PXK: variants seen among roughly 807,000 people sequenced by gnomAD.
PXK encodes the protein PX domain containing serine/threonine kinase like.
Under a neutral mutation model 84.7 loss-of-function variants are expected in PXK, and 35 were observed. The observed-to-expected ratio is 0.41, with a 90% confidence interval of 0.32 to 0.55. The LOEUF (loss-of-function observed/expected upper bound fraction) is 0.55, where lower values mean the gene tolerates loss of function less well. PXK is among the 20% of genes least tolerant of loss of function. The pLI, the probability that PXK is intolerant of heterozygous loss-of-function variation, is 0.21. For missense variants in PXK, 634 were observed against 699.7 expected (o/e 0.91, Z 1.06); for synonymous variants, 253 against 260.8 (o/e 0.97, Z 0.29).
At chr3:58,350,132 C>A (rs1253369615) in intron 1 of PXK, among the ~76,000 whole-genome samples, 1 of 152,186 alleles carries the variant, frequency 6.6e-6, no homozygotes, top group Non-Finnish European at 1.5e-5. Flanking sequence ...ATCACATAAA[C>A]CTGATGTCCA....
rs2061784348 is a variant in PXK, at chr3:58,421,201, CCCTT to C, written c.1529-3547_1529-3544del. On this transcript the variant is annotated intron_variant, in intron 17 of 17. Transcript: ENST00000356151. The surrounding 1 kb of genome is among the most constrained non-coding windows in gnomAD (Gnocchi z 5.5). The stretch of plus-strand genomic sequence containing the variant: ...GTGTGGTCTCATGGCCACTTGGCCT[CCCTT>C]CCTGTATGTGACCACAAAGGAGCTC... 1.0e-6 allele frequency: 1 copy of C among 985,202 alleles called. No homozygotes were observed. Among genetic ancestry groups the C allele is most frequent in the African/African-American group, 1.7e-5 (1 of 57,176 alleles). The allele number at this position is 985,202 out of a possible 1,614,324, so 61.0% of individuals were successfully genotyped here.
rs865908521 is a variant in PXK at position 58,370,231 on chromosome 3, T to G, written c.201+753T>G. Among the ~76,000 whole-genome samples, 10 of 152,342 alleles carry G rather than the reference T, an allele frequency of 6.6e-5. No individual in the cohort carries two copies. The Middle Eastern group carries it at 0.014, about 207-fold the overall frequency. ...CTGTTTAACTTTTTTATCCTAAATA[T>G]GTAGTTAGAAATCCCTTTGTTTTAA... On this transcript the variant is annotated intron_variant, in intron 3 of 17. Coordinates refer to ENST00000356151, the MANE Select transcript of PXK (RefSeq NM_017771.5). The surrounding 1 kb of genome is among the most constrained non-coding windows in gnomAD (Gnocchi z 4.2).
At chr3:58,384,196 G>A (rs1262954106) in intron 4 of PXK, among the ~76,000 whole-genome samples, 1 of 152,172 alleles carries the variant, frequency 6.6e-6, no homozygotes, top group Admixed American at 6.5e-5. Flanking sequence ...AGCAGCATTG[G>A]CATCACTGGG....
intron 1 of PXK, among the ~76,000 whole-genome samples, chr3:58,355,371 G>A (rs1390332272): frequency 6.6e-6 from 1 of 152,160 alleles, no homozygotes; most frequent in East Asian, 1.9e-4. Context: ...AAGTTTCACG[G>A]CACATCTGAT....
Position 58,385,995 on chromosome 3 carries a change from T to G in PXK, c.388+3295T>G, listed in dbSNP as rs1236290538. Among the ~76,000 whole-genome samples, 1 of 152,106 alleles carries G rather than the reference T, an allele frequency of 6.6e-6. No homozygotes were observed. Among genetic ancestry groups the G allele is most frequent in the African/African-American group, 2.4e-5 (1 of 41,414 alleles). On this transcript the variant is annotated intron_variant, in intron 4 of 17. Transcript: ENST00000356151. This position sits in a 1 kb window ranked among gnomAD's most constrained non-coding sequence, Gnocchi z 5.1. ...TGTTGGAGGGGGACTGTGATGGCATTCTGCTCCCAGGGGATGGCTAACTGG... is the reference window on the plus strand; with the variant it reads ...TGTTGGAGGGGGACTGTGATGGCATGCTGCTCCCAGGGGATGGCTAACTGG...
intron 17 of PXK, among the ~76,000 whole-genome samples, chr3:58,417,025 C>T (rs1004502783): frequency 6.6e-6 from 1 of 152,196 alleles, no homozygotes; most frequent in Non-Finnish European, 1.5e-5. Context: ...CTGCCTCAGC[C>T]TTCTGAGAGG....
Position 58,385,398 on chromosome 3 carries a change from C to G in PXK, c.388+2698C>G, listed in dbSNP as rs112196516. On this transcript the variant is annotated intron_variant, in intron 4 of 17. Transcript: ENST00000356151. This position sits in a 1 kb window ranked among gnomAD's most constrained non-coding sequence, Gnocchi z 5.1. ...GAAAAGGAAGCATAGGCTGCCACCTCCATGCCAGCTTGACAGGACCATTCC... is the reference window on the plus strand; with the variant it reads ...GAAAAGGAAGCATAGGCTGCCACCTGCATGCCAGCTTGACAGGACCATTCC... Among the ~76,000 whole-genome samples, 2,778 of 152,328 alleles carry G rather than the reference C, an allele frequency of 0.018. 84 individuals are homozygous for G. Among genetic ancestry groups the G allele is most frequent in the African/African-American group, 0.063 (2,631 of 41,560 alleles).
chr3:58,412,977 TA>T lies in PXK; in HGVS notation c.1528+17del. On this transcript the variant is annotated intron_variant, in intron 17 of 17. Transcript: ENST00000356151. The surrounding 1 kb of genome is among the most constrained non-coding windows in gnomAD (Gnocchi z 6.2). ...CCTCTACATCAGGTTAGTGATGGAG[TA>T]AAGTGACATGCCACCTTCCTGTCCG... The T allele has an allele frequency of 1.2e-6, 2 of 1,613,170 alleles. No individual in the cohort carries two copies. The highest frequency in any genetic ancestry group is 2.2e-5 in the South Asian group (2 of 91,042).
intron 13 of PXK, among the ~76,000 whole-genome samples, chr3:58,404,513 TG>T (rs1182799078): frequency 5.9e-5 from 9 of 152,136 alleles, no homozygotes; most frequent in Non-Finnish European, 1.2e-4. Context: ...AAATGTCTCC[TG>T]GGGGGTAGTG....
chr3:58,409,488 G>T lies in PXK; in HGVS notation c.1309-44G>T. On this transcript the variant is annotated intron_variant, in intron 14 of 17. Coordinates refer to ENST00000356151, the MANE Select transcript of PXK (RefSeq NM_017771.5). The surrounding 1 kb of genome is among the most constrained non-coding windows in gnomAD (Gnocchi z 4.2). ...TGTTGGAGAAGATTTTCATTAGGAA[G>T]CTGCCTTATGTGGGATATGCTTACA... The T allele has an allele frequency of 6.6e-7, 1 of 1,525,840 alleles. No individual in the cohort carries two copies. The allele number at this position is 1,525,840 out of a possible 1,614,324, so 94.5% of individuals were successfully genotyped here.
chr3:58,387,881 G>T (rs1056665002), intron 4 of PXK, among the ~76,000 whole-genome samples: 1 of 152,040 alleles, frequency 6.6e-6, no homozygotes, highest in African/African-American at 2.4e-5. Context: ...AATGCTGAGG[G>T]AGTGGGGGCA....
chr3:58,391,637 T>G, intron 6 of PXK, 136 bp from the exon 7 acceptor site: 1 of 779,832 alleles, frequency 1.3e-6, no homozygotes. Flanking sequence ...AGAAAGGTCT[T>G]GAGGCAGCCA....
intron 3 of PXK, among the ~76,000 whole-genome samples, chr3:58,376,671 A>G (rs971691412): frequency 6.6e-6 from 1 of 151,922 alleles, no homozygotes; most frequent in African/African-American, 2.4e-5. Flanking sequence ...ACAGAGTCTC[A>G]CTCCATTACC....
chr3:58,424,343 G>A (rs1203772686), intron 17 of PXK, among the ~76,000 whole-genome samples: 2 of 152,172 alleles, frequency 1.3e-5, no homozygotes, highest in African/African-American at 4.8e-5. Flanking sequence ...ACTCCATCAT[G>A]CAGATGTCTA....
chr3:58,359,245 C>G (rs2098139156), intron 1 of PXK, among the ~76,000 whole-genome samples: 1 of 152,112 alleles, frequency 6.6e-6, no homozygotes. Flanking sequence ...AATTATTCCT[C>G]TGATGGCCAG....
chr3:58,388,366 G>A (rs1428396112), intron 4 of PXK, among the ~76,000 whole-genome samples: 2 of 152,294 alleles, frequency 1.3e-5, no homozygotes, highest in African/African-American at 2.4e-5. Flanking sequence ...AGGGAATTCC[G>A]TGTCACTGTC....
chr3:58,352,043 A>C (rs2097938183), intron 1 of PXK, among the ~76,000 whole-genome samples: 1 of 152,216 alleles, frequency 6.6e-6, no homozygotes, highest in Non-Finnish European at 1.5e-5. Flanking sequence ...AAGCACAGAG[A>C]AGTTAGGCTG....
chr3:58,394,951 C>T (rs375000706), intron 7 of PXK, 47 bp from the exon 8 acceptor site: 1 of 1,445,706 alleles, frequency 6.9e-7, no homozygotes, highest in South Asian at 1.2e-5. Flanking sequence ...TTAAAAGGAC[C>T]TAGATCCTGA....
At chr3:58,357,278 C>CAA (rs1290785479) in intron 1 of PXK, among the ~76,000 whole-genome samples, 5 of 131,826 alleles carry the variant, frequency 3.8e-5, no homozygotes, top group Non-Finnish European at 6.6e-5. Flanking sequence ...GACTCTGTCT[C>CAA]AAAAAAAAAA....
Sources: allele counts gnomAD v4.1 joint callset (sites outside exome capture counted in the v4.1 genomes callset), GRCh38; gene constraint gnomAD v4.1.1; non-coding constraint Gnocchi (gnomAD v3.1); transcripts MANE v1.5; gene names NCBI Gene and HGNC (gene_info 2026-07-23, HGNC 2026-07-21).